Variants in PKD1L3 observed in about 807,000 individuals in gnomAD.
The protein encoded by PKD1L3 is polycystin 1 like 3, transient receptor potential channel interacting.
PKD1L3 carries 239 observed loss-of-function variants against 184.1 expected under a neutral mutation model. The observed-to-expected ratio is 1.30, with a 90% CI of 1.17 to 1.45. The LOEUF (loss-of-function observed/expected upper bound fraction) is 1.45. Among genes scored for constraint, PKD1L3 ranks in the 40% most tolerant of loss-of-function variants. The pLI is 0.00. For synonymous variants in PKD1L3, 996 were observed against 778.8 expected (o/e 1.28, Z -4.64); for missense variants, 2,660 against 2,067.2 (o/e 1.29, Z -5.56).
chr16:71,979,465 A>ACAAAG (rs1247818972), intron 9 of PKD1L3, among the ~76,000 whole-genome samples: 5 of 145,650 alleles, frequency 3.4e-5, no homozygotes, highest in Non-Finnish European at 7.5e-5. Flanking sequence ...ACAAAACAAA[A>ACAAAG]CAAGACAAAA....
rs368322235 is a variant in PKD1L3, at chr16:71,991,352, T to G, written c.536-1023A>C. On this transcript the variant is annotated intron_variant, in intron 3 of 29. Transcript: ENST00000620267. ...CACCCACCATGATGATGGAGAAAGGTAGAGGTAACCAAACAAAATCCTAAG... is the reference window on the plus strand; with the variant it reads ...CACCCACCATGATGATGGAGAAAGGGAGAGGTAACCAAACAAAATCCTAAG... 37 of 202,242 alleles carry G rather than the reference T, an allele frequency of 1.8e-4. No individual in the cohort carries two copies. The East Asian group carries it at 3.5e-3, about 19-fold the overall frequency. 12.5% of individuals were successfully genotyped at this position (202,242 alleles called of 1,614,324 possible).
At chr16:71,956,010 A>G (rs542373883) in intron 16 of PKD1L3, among the ~76,000 whole-genome samples, 20 of 152,004 alleles carry the variant, frequency 1.3e-4, no homozygotes, top group African/African-American at 4.3e-4. Context: ...TAGACTAAAT[A>G]TAACACCTGG....
chr16:71,990,430 T>C (rs1439195853), intron 3 of PKD1L3, 101 bp from the exon 4 acceptor site: 3 of 1,030,258 alleles, frequency 2.9e-6, no homozygotes, highest in South Asian at 1.5e-5. Flanking sequence ...ATAATGCAAA[T>C]TGTTTTACAT....
At chr16:71,995,006 G>A (rs992961778) in intron 2 of PKD1L3, among the ~76,000 whole-genome samples, 55 of 151,984 alleles carry the variant, frequency 3.6e-4, no homozygotes, top group African/African-American at 1.2e-3. Flanking sequence ...AAAAACAGTT[G>A]ACTTAAATTT....
chr16:71,981,927 G>C, intron 7 of PKD1L3, 132 bp downstream of exon 7: 1 of 1,004,826 alleles, frequency 1.0e-6, no homozygotes, highest in Non-Finnish European at 1.4e-6. Flanking sequence ...AGGCATGGCA[G>C]AGGAGTTTCT....
intron 11 of PKD1L3, among the ~76,000 whole-genome samples, chr16:71,976,977 T>C (rs570210346): frequency 2.3e-4 from 35 of 152,098 alleles, no homozygotes; most frequent in African/African-American, 7.9e-4. Flanking sequence ...TCTCCTGACC[T>C]TGTGATCTGC....
intron 22 of PKD1L3, among the ~76,000 whole-genome samples, chr16:71,944,936 G>T (rs1468254602): frequency 2.0e-5 from 3 of 150,608 alleles, no homozygotes; most frequent in South Asian, 2.1e-4. Context: ...TACCTCAGGC[G>T]ATCAACCCGA....
chr16:71,993,563 A>G (rs1171599767), intron 2 of PKD1L3, among the ~76,000 whole-genome samples: 1 of 152,194 alleles, frequency 6.6e-6, no homozygotes, highest in African/African-American at 2.4e-5. Flanking sequence ...TGAGAAGTTC[A>G]TTAACCCATT....
At chr16:71,968,770 A>G (rs1237506527) in intron 13 of PKD1L3, among the ~76,000 whole-genome samples, 1 of 151,778 alleles carries the variant, frequency 6.6e-6, no homozygotes, top group Admixed American at 6.6e-5. Flanking sequence ...TAATTTTTGT[A>G]TTTTTAGTAG....
At chr16:71,993,158 C>CT in intron 3 of PKD1L3, 58 bp downstream of exon 3, 3 of 1,239,012 alleles carry the variant, frequency 2.4e-6, no homozygotes, top group Non-Finnish European at 3.4e-6. Flanking sequence ...CTTGTGCATT[C>CT]TTTTAGCAGA....
intron 4 of PKD1L3, among the ~76,000 whole-genome samples, chr16:71,986,854 C>A (rs373957747): frequency 3.4e-4 from 50 of 145,530 alleles, no homozygotes; most frequent in African/African-American, 1.3e-3. Flanking sequence ...ATGAAGAAAA[C>A]AATAATGCTA....
intron 26 of PKD1L3, 32 bp downstream of exon 26, chr16:71,935,326 G>T: frequency 6.5e-7 from 1 of 1,541,066 alleles, no homozygotes; most frequent in South Asian, 1.2e-5. Context: ...CATGAGGTAG[G>T]AATATGCTGT....
intron 28 of PKD1L3, among the ~76,000 whole-genome samples, chr16:71,931,552 C>G (rs1017949405): frequency 6.7e-6 from 1 of 150,128 alleles, no homozygotes; most frequent in Non-Finnish European, 1.5e-5. Flanking sequence ...GCAACCTCCA[C>G]CTCCCAGGTT....
intron 13 of PKD1L3, 30 bp downstream of exon 13, chr16:71,969,845 G>A: frequency 1.3e-6 from 2 of 1,517,724 alleles, no homozygotes; most frequent in South Asian, 2.5e-5. Context: ...AAACATCATG[G>A]CAAATCTGTT....
Position 72,000,230 on chromosome 16 carries a change from G to A in PKD1L3, c.-252C>T, listed in dbSNP as rs2040920824. ...CCATCTGTGTCTACCTACCGAATAT[G>A]CCTTTAGCAAATAGAGATCGATTAT... On this transcript the variant is annotated 5_prime_UTR_variant, in exon 1 of 30. Coordinates refer to ENST00000620267, the MANE Select transcript of PKD1L3 (RefSeq NM_181536.2). Among the ~76,000 whole-genome samples the A allele has an allele frequency of 6.6e-6, 1 of 152,160 alleles. No homozygotes were observed.
intron 23 of PKD1L3, among the ~76,000 whole-genome samples, chr16:71,943,233 T>G (rs1482400618): frequency 1.3e-5 from 2 of 152,028 alleles, no homozygotes; most frequent in African/African-American, 4.8e-5. Context: ...ACATTTTACT[T>G]AAAATAAGAT....
intron 16 of PKD1L3, among the ~76,000 whole-genome samples, chr16:71,955,194 A>G (rs2038997102): frequency 6.6e-6 from 1 of 152,092 alleles, no homozygotes; most frequent in Non-Finnish European, 1.5e-5. Context: ...GGAGATGTGA[A>G]GGGTTGGAAT....
chr16:71,951,824 G>A (rs989989370), intron 18 of PKD1L3, 80 bp from the exon 19 acceptor site: 24 of 1,285,810 alleles, frequency 1.9e-5, no homozygotes, highest in Admixed American at 1.0e-4. Flanking sequence ...TGGTAAGGCC[G>A]TTCCCTTTCG....
At chr16:71,978,463 A>T in intron 9 of PKD1L3, 80 bp from the exon 10 acceptor site, 1 of 943,444 alleles carries the variant, frequency 1.1e-6, no homozygotes, top group Non-Finnish European at 1.5e-6. Context: ...TATCATATAT[A>T]CATATGTATA....
Sources: allele counts gnomAD v4.1 joint callset (sites outside exome capture counted in the v4.1 genomes callset), GRCh38; gene constraint gnomAD v4.1.1; transcripts MANE v1.5; gene names NCBI Gene and HGNC (gene_info 2026-07-23, HGNC 2026-07-21).